Variants in GHR observed in about 807,000 individuals in gnomAD.
The protein encoded by GHR is growth hormone receptor.
A neutral mutation model predicts 67.1 loss-of-function variants in GHR; 35 were observed. The ratio of observed to expected loss-of-function variants is 0.52; its 90% confidence interval spans 0.40 to 0.69. The LOEUF is 0.69. Ranked by LOEUF, GHR falls within the 30% of genes least tolerant of loss-of-function variation. GHR has a pLI of 0.00. For synonymous variants in GHR, 272 were observed against 269.1 expected (o/e 1.01, Z -0.10); for missense variants, 792 against 764.6 (o/e 1.04, Z -0.42).
intron 1 of GHR, chr5:42,549,580 T>G (rs1748910580): frequency 1.7e-6 from 1 of 594,620 alleles, no homozygotes; most frequent in African/African-American, 2.0e-5. Context: ...AAAGATGGAT[T>G]AAGTGAGAAG....
At chr5:42,504,989 C>T (rs1259454366) in intron 1 of GHR, among the ~76,000 whole-genome samples, 2 of 152,140 alleles carry the variant, frequency 1.3e-5, no homozygotes, top group East Asian at 1.9e-4. Flanking sequence ...AATGCTTAAC[C>T]TTAAACAAAG....
At chr5:42,710,972 C>T (rs1758426444) in intron 6 of GHR, among the ~76,000 whole-genome samples, 1 of 152,132 alleles carries the variant, frequency 6.6e-6, no homozygotes, top group African/African-American at 2.4e-5. Context: ...TTTCTTTAAG[C>T]AAGTCTATCA....
chr5:42,498,300 A>C (rs1437746013), intron 1 of GHR, among the ~76,000 whole-genome samples: 1 of 152,194 alleles, frequency 6.6e-6, no homozygotes, highest in Non-Finnish European at 1.5e-5. Context: ...AGCAGCAAAT[A>C]AGTCTGGCTT....
At chr5:42,479,618 A>G (rs1579784362) in intron 1 of GHR, among the ~76,000 whole-genome samples, 1 of 151,900 alleles carries the variant, frequency 6.6e-6, no homozygotes, top group East Asian at 1.9e-4. Context: ...TCTTGGGAGG[A>G]TGTATGTGTC....
chr5:42,485,738 T>A lies in GHR; in HGVS notation c.-12+61783T>A, dbSNP rs1268576325. Among the ~76,000 whole-genome samples the A allele has an allele frequency of 2.0e-5, 3 of 152,250 alleles. No homozygotes were observed. The East Asian group carries it at 5.8e-4, about 29-fold the overall frequency. On this transcript the variant is annotated intron_variant, in intron 1 of 9. Coordinates refer to ENST00000230882, the MANE Select transcript of GHR (RefSeq NM_000163.5). ...ATAGTCAGCCACATGTAAATCAGAATGCAGTTTTACATAGATTCATTATTA... is the reference window on the plus strand; with the variant it reads ...ATAGTCAGCCACATGTAAATCAGAAAGCAGTTTTACATAGATTCATTATTA...
At chr5:42,616,513 G>T (rs1244038704) in intron 2 of GHR, among the ~76,000 whole-genome samples, 1 of 152,036 alleles carries the variant, frequency 6.6e-6, no homozygotes, top group Non-Finnish European at 1.5e-5. Flanking sequence ...CGAGAGTTCT[G>T]TGTTAGGATT....
chr5:42,567,245 C>A (rs1234740042), intron 2 of GHR, among the ~76,000 whole-genome samples: 1 of 152,124 alleles, frequency 6.6e-6, no homozygotes, highest in Non-Finnish European at 1.5e-5. Flanking sequence ...ATTTAAAAAA[C>A]TTGTGAAATG....
At chr5:42,437,529 A>ATATT (rs375521431) in intron 1 of GHR, among the ~76,000 whole-genome samples, 9,152 of 147,970 alleles carry the variant, frequency 0.062, 484 homozygotes, top group African/African-American at 0.13. Context: ...TATTATTTTT[A>ATATT]TATTTATTTA....
intron 3 of GHR, among the ~76,000 whole-genome samples, chr5:42,670,013 G>GAA (rs960008116): frequency 2.0e-5 from 3 of 151,946 alleles, no homozygotes; most frequent in Non-Finnish European, 4.4e-5. Flanking sequence ...TATAGCAGTA[G>GAA]AAAAAAATCA....
At chr5:42,455,012 T>C (rs1490876034) in intron 1 of GHR, among the ~76,000 whole-genome samples, 1 of 152,152 alleles carries the variant, frequency 6.6e-6, no homozygotes, top group African/African-American at 2.4e-5. Flanking sequence ...TGAGATATAG[T>C]CAGGCATGGC....
intron 8 of GHR, among the ~76,000 whole-genome samples, chr5:42,714,544 G>A (rs1758629096): frequency 6.6e-6 from 1 of 152,160 alleles, no homozygotes; most frequent in Non-Finnish European, 1.5e-5. Flanking sequence ...TGGGACGCTA[G>A]ATTTCTATAG....
At chr5:42,658,322 C>T (rs2112850469) in intron 3 of GHR, among the ~76,000 whole-genome samples, 1 of 152,254 alleles carries the variant, frequency 6.6e-6, no homozygotes, top group Admixed American at 6.5e-5. Context: ...CCCAGCTTTG[C>T]TACTTATTAC....
chr5:42,576,108 TAAAATAAAATAAAATAAAATAAAA>T (rs1561135812), intron 2 of GHR, among the ~76,000 whole-genome samples: 15 of 76,434 alleles, frequency 2.0e-4, no homozygotes, highest in African/African-American at 9.7e-4. Context: ...ATAAATAAAA[TAAAATAAAATAAAATAAAATAAAA>T]TAAAATAAAA....
intron 3 of GHR, among the ~76,000 whole-genome samples, chr5:42,665,190 C>T (rs1204841443): frequency 2.6e-5 from 4 of 152,030 alleles, no homozygotes; most frequent in African/African-American, 4.8e-5. Context: ...GTCAGTGTGG[C>T]GATTCCTCAG....
At chr5:42,534,084 A>T (rs912872507) in intron 1 of GHR, among the ~76,000 whole-genome samples, 13 of 149,874 alleles carry the variant, frequency 8.7e-5, no homozygotes, top group African/African-American at 3.2e-4. Context: ...GTATATATGT[A>T]TATATGTAAG....
intron 6 of GHR, among the ~76,000 whole-genome samples, chr5:42,707,822 A>G (rs1758254749): frequency 6.6e-6 from 1 of 152,042 alleles, no homozygotes; most frequent in African/African-American, 2.4e-5. Context: ...TTTCGATGTC[A>G]CACTTACATC....
chr5:42,527,226 A>G (rs891749267), intron 1 of GHR, among the ~76,000 whole-genome samples: 4 of 152,226 alleles, frequency 2.6e-5, no homozygotes, highest in African/African-American at 9.6e-5. Context: ...ACACATATCA[A>G]TACTAACCCT....
At chr5:42,583,908 G>A (rs1751335574) in intron 2 of GHR, among the ~76,000 whole-genome samples, 1 of 146,798 alleles carries the variant, frequency 6.8e-6, no homozygotes, top group Admixed American at 7.1e-5. Flanking sequence ...AATTCTTACA[G>A]TTTAGAAGCT....
At chr5:42,540,742 A>C (rs1748471583) in intron 1 of GHR, among the ~76,000 whole-genome samples, 1 of 150,998 alleles carries the variant, frequency 6.6e-6, no homozygotes, top group Non-Finnish European at 1.5e-5. Context: ...TTAATGCAGC[A>C]GAAGGCTGCA....
Sources: gnomAD v4.1 joint callset for allele counts (sites outside exome capture counted in the v4.1 genomes callset) on GRCh38, gnomAD v4.1.1 for gene constraint, MANE v1.5 for transcripts, NCBI Gene and HGNC (gene_info 2026-07-23, HGNC 2026-07-21) for gene names.